Variants in WNT10A observed in about 807,000 individuals in gnomAD.
The protein encoded by WNT10A is Wnt family member 10A.
A neutral mutation model predicts 36.1 loss-of-function variants in WNT10A; 37 were observed. The ratio of observed to expected loss-of-function variants is 1.02; its 90% CI spans 0.79 to 1.35. The LOEUF is 1.35. Ranked by LOEUF, WNT10A falls within the 40% of genes most tolerant of loss-of-function variation. The pLI is 0.00. For missense variants in WNT10A, 613 were observed against 601.4 expected (o/e 1.02, Z -0.20); for synonymous variants, 255 against 254.1 (o/e 1.00, Z -0.03).
intron 2 of WNT10A, among the ~76,000 whole-genome samples, chr2:218,885,454 G>A (rs1392363945): frequency 6.6e-6 from 1 of 152,186 alleles, no homozygotes; most frequent in Non-Finnish European, 1.5e-5. Context: ...GAAATTTGAG[G>A]AGGGGGCTGC....
At chr2:218,880,818 G>A (rs1944502597), upstream of WNT10A, 1 of 591,334 alleles carries the variant, frequency 1.7e-6, no homozygotes, top group Non-Finnish European at 2.7e-6. This position sits in a 1 kb window ranked among gnomAD's most constrained non-coding sequence, Gnocchi z 7.7. Context: ...CGGTGCCCGG[G>A]GGTGCTGCCC....
chr2:218,882,501 C>T, intron 2 of WNT10A, 78 bp downstream of exon 2: 3 of 1,573,106 alleles, frequency 1.9e-6, no homozygotes, highest in Non-Finnish European at 2.6e-6. Context: ...CCATTTCTAA[C>T]CCACTGCCTC....
In WNT10A at chr2:218,892,832, A is replaced by C. The variant is rs978032908; in HGVS notation, c.815A>C (p.Gln272Pro). The change falls in exon 4 of 4, where the codon CAG becomes CCG. Residue 272 changes from glutamine to proline, a missense_variant. Physicochemically the swap from Gln to Pro is moderately conservative, Grantham distance 76. Coordinates refer to ENST00000258411, the MANE Select transcript of WNT10A (RefSeq NM_025216.3). ...CKCHGTSGSC[Q>P]LKTCWQVTPE... ...TGCCACGGCACGTCAGGCAGCTGCC[A>C]GCTCAAGACGTGCTGGCAGGTGACG... 1.3e-6 allele frequency: 2 copies of C among 1,596,452 alleles called. No individual in the cohort carries two copies. Among genetic ancestry groups the C allele is most frequent in the Non-Finnish European group, 1.7e-6 (2 of 1,172,986 alleles).
At position 218,890,157 on chromosome 2, in the gene WNT10A, C is replaced by A; in HGVS notation, c.550C>A (p.Arg184Ser). 1 of 1,614,150 alleles carries A rather than the reference C, an allele frequency of 6.2e-7. No homozygotes were observed. Among genetic ancestry groups the A allele is most frequent in the Non-Finnish European group, 8.5e-7 (1 of 1,180,016 alleles). Residue 184 changes from arginine to serine, a missense_variant, in exon 3 of 4, where the codon CGT (arginine) becomes AGT (serine). Coordinates refer to ENST00000258411, the MANE Select transcript of WNT10A (RefSeq NM_025216.3). ...LHRLQLDALQ[R>S]GKGLSHGVPE... ...CCGCTTACAACTGGATGCACTGCAG[C>A]GTGGTAAGGGCCTGAGCCATGGGGT...
intron 2 of WNT10A, among the ~76,000 whole-genome samples, chr2:218,889,273 A>G (rs1259127111): frequency 6.6e-6 from 1 of 152,240 alleles, no homozygotes; most frequent in East Asian, 1.9e-4. Flanking sequence ...TTTATGGCTG[A>G]GGAGTATTCC....
Position 218,882,440 on chromosome 2 carries a change from C to A in WNT10A, c.376+17C>A, listed in dbSNP as rs1465356453. 3 of 1,613,418 alleles carry A rather than the reference C, an allele frequency of 1.9e-6. No homozygotes were observed. The highest frequency in any genetic ancestry group is 3.3e-5 in the Admixed American group (2 of 59,998). ...TCAGCAGAGGTAGCTGCCCCTCACC[C>A]CTGCCCCTGCCTGCCCCATCCAGCA... is the stretch of plus-strand genomic sequence containing the variant. On this transcript the variant is annotated intron_variant, in intron 2 of 3. Coordinates refer to ENST00000258411, the MANE Select transcript of WNT10A (RefSeq NM_025216.3).
At chr2:218,874,155 C>T in the WNT10A span, 1 of 368,434 alleles carries the variant, frequency 2.7e-6, no homozygotes, top group Non-Finnish European at 4.8e-6. Context: ...CTAAAGGCCT[C>T]TGGATACTGG....
chr2:218,889,901 C>G, intron 2 of WNT10A, 83 bp from the exon 3 acceptor site: 1 of 1,601,570 alleles, frequency 6.2e-7, no homozygotes, highest in East Asian at 2.2e-5. Flanking sequence ...TCAGTTTCTC[C>G]TTGGAATGAT....
At chr2:218,875,129 T>C in the WNT10A span, among the ~76,000 whole-genome samples, 9 of 145,164 alleles carry the variant, frequency 6.2e-5, no homozygotes. Flanking sequence ...AGCCTTAGGA[T>C]AGTCAGACTT....
At chr2:218,878,118 G>A (rs375259506), upstream of WNT10A, among the ~76,000 whole-genome samples, 35 of 152,358 alleles carry the variant, frequency 2.3e-4, no homozygotes, top group East Asian at 2.3e-3. The surrounding 1 kb of genome is among the most constrained non-coding windows in gnomAD (Gnocchi z 4.1). Flanking sequence ...GGGGGCTGGG[G>A]CTGGGCTGAG....
rs754257075 is a variant in WNT10A at position 218,890,297 on chromosome 2, C to A, written c.690C>A (p.Asp230Glu). The A allele has an allele frequency of 6.2e-7, 1 of 1,606,092 alleles. No homozygotes were observed. ...AGCGCTTTTCTAAGGACTTTCTGGA[C>A]TCCCGGGAGCCTCACAGAGACATCC... ...FGERFSKDFL[D>E]SREPHRDIHA... The change falls in exon 3 of 4, where the codon GAC becomes GAA. Residue 230 changes from aspartate (D) to glutamate (E), a missense_variant. Coordinates refer to ENST00000258411, the MANE Select transcript of WNT10A (RefSeq NM_025216.3).
At chr2:218,889,155 A>G (rs1055370920) in intron 2 of WNT10A, among the ~76,000 whole-genome samples, 1 of 152,204 alleles carries the variant, frequency 6.6e-6, no homozygotes, top group Admixed American at 6.5e-5. Context: ...GCTTCCACTT[A>G]TAAGTGAGAA....
chr2:218,882,039 C>A, intron 1 of WNT10A, 122 bp from the exon 2 acceptor site: 1 of 1,354,760 alleles, frequency 7.4e-7, no homozygotes, highest in Non-Finnish European at 1.0e-6. Context: ...ATGGGCCCAA[C>A]CTTCAGAAGC....
At chr2:218,891,934 A>T (rs1944655154) in intron 3 of WNT10A, among the ~76,000 whole-genome samples, 1 of 152,094 alleles carries the variant, frequency 6.6e-6, no homozygotes, top group African/African-American at 2.4e-5. Flanking sequence ...AAGGGTTCTT[A>T]GTAAGGAGAC....
upstream of WNT10A, among the ~76,000 whole-genome samples, chr2:218,880,176 C>T: frequency 6.6e-6 from 1 of 152,184 alleles, no homozygotes; most frequent in South Asian, 2.1e-4. This position sits in a 1 kb window ranked among gnomAD's most constrained non-coding sequence, Gnocchi z 7.7. Context: ...CAGAGGCCAG[C>T]CCCTCCCCTC....
rs893015324 is a variant in WNT10A, at chr2:218,880,927, G to A, written c.-69G>A. The A allele has an allele frequency of 6.1e-6, 9 of 1,474,744 alleles. No homozygotes were observed. In the Admixed American group the frequency reaches 1.5e-4, roughly 25 times the overall value. The allele number at this position is 1,474,744 out of a possible 1,614,324, so 91.4% of individuals were successfully genotyped here. On this transcript the variant is annotated 5_prime_UTR_variant, in exon 1 of 4. Coordinates refer to ENST00000258411, the MANE Select transcript of WNT10A (RefSeq NM_025216.3). The surrounding 1 kb of genome is among the most constrained non-coding windows in gnomAD (Gnocchi z 7.7). ...CCGACCCCCCGCCGATCATGCGCCG[G>A]CGCCCCTGGCTCTCCAGTCCCACTG... is the stretch of plus-strand genomic sequence containing the variant.
chr2:218,875,351 G>T, the WNT10A span, among the ~76,000 whole-genome samples: 1 of 151,222 alleles, frequency 6.6e-6, no homozygotes, highest in Non-Finnish European at 1.5e-5. Flanking sequence ...ACCACACTTG[G>T]ATACGTTTTT....
intron 3 of WNT10A, 122 bp from the exon 4 acceptor site, chr2:218,892,652 C>G: frequency 6.8e-7 from 1 of 1,464,432 alleles, no homozygotes; most frequent in Non-Finnish European, 9.2e-7. Context: ...GGGACCCTCG[C>G]TCCCGGCCTC....
At chr2:218,880,605 C>G (rs1944499008), upstream of WNT10A, 1 of 199,936 alleles carries the variant, frequency 5.0e-6, no homozygotes, top group Non-Finnish European at 1.0e-5. This position sits in a 1 kb window ranked among gnomAD's most constrained non-coding sequence, Gnocchi z 7.7. Context: ...CTCGCACGCC[C>G]TCGGAAGCGC....
Sources: gnomAD v4.1 joint callset for allele counts (sites outside exome capture counted in the v4.1 genomes callset) on GRCh38, gnomAD v4.1.1 for gene constraint, Gnocchi (gnomAD v3.1) non-coding constraint, MANE v1.5 for transcripts, NCBI Gene and HGNC (gene_info 2026-07-23, HGNC 2026-07-21) for gene names.